The following DAGLA variants were observed in gnomAD, a reference collection of about 807,000 sequenced individuals.
The protein encoded by DAGLA is diacylglycerol lipase alpha, also known as diacylglycerol lipase-alpha.
In DAGLA, 22 loss-of-function variants were observed where a neutral mutation model predicts 102.6. The ratio of observed to expected loss-of-function variants is 0.21; its 90% confidence interval spans 0.15 to 0.31. The LOEUF (loss-of-function observed/expected upper bound fraction) is 0.31. DAGLA is among the 10% of genes least tolerant of loss of function. The pLI, the probability that DAGLA is intolerant of heterozygous loss-of-function variation, is 1.00. For synonymous variants in DAGLA, 578 were observed against 628.9 expected, an observed-to-expected ratio of 0.92 and a Z score of 1.21; for missense variants, 927 against 1,446.6, an observed-to-expected ratio of 0.64 and a Z score of 5.83.
intron 4 of DAGLA, 34 bp from the exon 5 acceptor site, chr11:61,723,400 G>C (rs372816992): frequency 6.2e-7 from 1 of 1,600,624 alleles, no homozygotes; most frequent in African/African-American, 1.3e-5. Context: ...TGTCCCCAGC[G>C]CCCCTACCTA....
At chr11:61,692,121 T>C (rs1302841685) in intron 1 of DAGLA, among the ~76,000 whole-genome samples, 7 of 152,166 alleles carry the variant, frequency 4.6e-5, no homozygotes, top group Non-Finnish European at 1.0e-4. Context: ...AGTCAGTGCA[T>C]TAGAGCCTGC....
Position 61,735,793 on chromosome 11 carries a change from C to T in DAGLA, c.1267C>T (p.His423Tyr), listed in dbSNP as rs2065417824. 1 of 1,612,094 alleles carries T rather than the reference C, an allele frequency of 6.2e-7. No individual in the cohort carries two copies. Among genetic ancestry groups the T allele is most frequent in the African/African-American group, 1.3e-5 (1 of 74,856 alleles). Residue 423 changes from histidine (H) to tyrosine (Y), a missense_variant, in exon 12 of 20, where the codon CAC (histidine) becomes TAC (tyrosine). Around this residue, in one of 4 missense-constraint regions of DAGLA, gnomAD observed 218 missense variants for 459.6 expected, o/e 0.47. Transcript: ENST00000257215. Reference protein sequence around the residue: ...DAERLPVEGHHGTWLGHKGMV... With the variant: ...DAERLPVEGHYGTWLGHKGMV... ...TGAGCGCCTCCCCGTGGAGGGGCACCACGGCACCTGGCTGGGCCACAAGGT... is the reference window on the plus strand; with the variant it reads ...TGAGCGCCTCCCCGTGGAGGGGCACTACGGCACCTGGCTGGGCCACAAGGT...
At position 61,737,462 on chromosome 11, in the gene DAGLA, G is replaced by T. The variant is rs73485466; in HGVS notation, c.1514+138G>T. The T allele has an allele frequency of 1.2e-3, 1,636 of 1,312,098 alleles. 17 individuals carry two copies. In the African/African-American group the frequency reaches 0.022, roughly 18 times the overall value. The allele number at this position is 1,312,098 out of a possible 1,614,324, so 81.3% of individuals were successfully genotyped here. A position where few individuals can be genotyped will look rare whatever the true frequency, so the allele number is the denominator to read the frequency against. ...CTGGGAGTGGCCTGGAGGGTGGAGG[G>T]TGGGGGCTCTGAAATGCCATGCGCC... On this transcript the variant is annotated intron_variant, in intron 14 of 19. Transcript: ENST00000257215.
At chr11:61,698,877 A>C (rs988785729) in intron 1 of DAGLA, among the ~76,000 whole-genome samples, 2 of 152,024 alleles carry the variant, frequency 1.3e-5, no homozygotes, top group Non-Finnish European at 2.9e-5. Context: ...TTCACAGAGG[A>C]GGTTGTGTTT....
At chr11:61,742,550 T>A (rs1310980456) in intron 19 of DAGLA, among the ~76,000 whole-genome samples, 1 of 152,038 alleles carries the variant, frequency 6.6e-6, no homozygotes, top group South Asian at 2.1e-4. Flanking sequence ...TGTCACTCAT[T>A]CCCTGCAGGC....
chr11:61,692,576 C>A (rs2065032795), intron 1 of DAGLA, among the ~76,000 whole-genome samples: 1 of 152,074 alleles, frequency 6.6e-6, no homozygotes, highest in African/African-American at 2.4e-5. Flanking sequence ...ATCCCCGCTC[C>A]CCACTCCCAC....
intron 13 of DAGLA, 49 bp from the exon 14 acceptor site, chr11:61,737,133 C>T (rs374929679): frequency 1.2e-5 from 20 of 1,610,688 alleles, no homozygotes; most frequent in African/African-American, 1.2e-4. Flanking sequence ...CTAAGACAGT[C>T]GCTTGGCGGG....
chr11:61,693,667 T>C (rs778751354), intron 1 of DAGLA, among the ~76,000 whole-genome samples: 6 of 152,220 alleles, frequency 3.9e-5, no homozygotes, highest in Non-Finnish European at 7.3e-5. Context: ...CTTTTTCTTA[T>C]GCATAAGTCA....
intron 1 of DAGLA, among the ~76,000 whole-genome samples, chr11:61,718,591 A>G (rs2065256007): frequency 1.4e-5 from 2 of 147,958 alleles, no homozygotes; most frequent in African/African-American, 2.5e-5. Context: ...CAGTCCACAG[A>G]CCACCCCCCA....
At chr11:61,719,679 G>A (rs1268970902) in intron 1 of DAGLA, among the ~76,000 whole-genome samples, 1 of 152,224 alleles carries the variant, frequency 6.6e-6, no homozygotes, top group Non-Finnish European at 1.5e-5. Flanking sequence ...GTGCTGTTGG[G>A]TGGGCTTGTT....
chr11:61,704,117 A>G (rs981976830), intron 1 of DAGLA, among the ~76,000 whole-genome samples: 10 of 38,226 alleles, frequency 2.6e-4, no homozygotes, highest in Admixed American at 1.5e-3. Flanking sequence ...AGGTCAGAGA[A>G]TTTCTTTTTT....
intron 2 of DAGLA, 47 bp from the exon 3 acceptor site, chr11:61,720,632 G>A: frequency 1.3e-6 from 2 of 1,584,102 alleles, no homozygotes; most frequent in Non-Finnish European, 1.7e-6. Flanking sequence ...AGCATCTCGA[G>A]GTACAGGGGC....
rs2065497063 is a variant in DAGLA at position 61,743,253 on chromosome 11, T to C, written c.2172-279T>C. Reference sequence around the variant, plus strand: ...GGTGGCGGGCACCTGTAGTCCCAGCTACTCGGGAGGCTGAGGCAGGAGAAT... The same window carrying C: ...GGTGGCGGGCACCTGTAGTCCCAGCCACTCGGGAGGCTGAGGCAGGAGAAT... On this transcript the variant is annotated intron_variant, in intron 19 of 19. Transcript: ENST00000257215. 3.3e-5 allele frequency among the ~76,000 whole-genome samples: 5 copies of C among 150,924 alleles called. No individual in the cohort carries two copies. The South Asian group carries it at 1.0e-3, about 31-fold the overall frequency.
Position 61,734,761 on chromosome 11 carries a change from A to G in DAGLA, c.975-88A>G. 2.2e-6 allele frequency: 3 copies of G among 1,368,310 alleles called. No individual in the cohort carries two copies. The highest frequency in any genetic ancestry group is 3.0e-6 in the Non-Finnish European group (3 of 984,938). 84.8% of individuals were successfully genotyped at this position (1,368,310 alleles called of 1,614,324 possible). A position where few individuals can be genotyped will look rare whatever the true frequency, so the allele number is the denominator to read the frequency against. On this transcript the variant is annotated intron_variant, in intron 9 of 19. Transcript: ENST00000257215. The surrounding 1 kb of genome is among the most constrained non-coding windows in gnomAD (Gnocchi z 4.2). ...TAGAGGCAGTGGGGCTGAATGCCCA[A>G]CTGGAACTGGTTCCAGGGACAGTGG...
intron 1 of DAGLA, among the ~76,000 whole-genome samples, chr11:61,695,335 G>A (rs2065056716): frequency 6.6e-6 from 1 of 152,194 alleles, no homozygotes; most frequent in Non-Finnish European, 1.5e-5. Context: ...CAGTGTCGGA[G>A]CTCTGTGCTC....
intron 6 of DAGLA, among the ~76,000 whole-genome samples, chr11:61,727,109 A>G (rs373315972): frequency 6.6e-6 from 1 of 152,250 alleles, no homozygotes; most frequent in African/African-American, 2.4e-5. Flanking sequence ...GCAGAGCCCC[A>G]CGGCAAAGGT....
chr11:61,743,469 G>A (rs2065500143), intron 19 of DAGLA, 63 bp from the exon 20 acceptor site: 1 of 1,348,498 alleles, frequency 7.4e-7, no homozygotes, highest in Non-Finnish European at 9.9e-7. Flanking sequence ...TAGCCAGGGA[G>A]CTGGGGTTCA....
chr11:61,704,672 C>A (rs899284013), intron 1 of DAGLA, among the ~76,000 whole-genome samples: 41 of 152,250 alleles, frequency 2.7e-4, no homozygotes, highest in African/African-American at 9.6e-4. Flanking sequence ...CAGAGAAAAG[C>A]TTTGCTTCTG....
At chr11:61,709,064 G>A (rs1374248275) in intron 1 of DAGLA, among the ~76,000 whole-genome samples, 1 of 152,330 alleles carries the variant, frequency 6.6e-6, no homozygotes, top group East Asian at 1.9e-4. Flanking sequence ...GCTCAGGCGA[G>A]GGGAGGAAAT....
Sources: allele counts gnomAD v4.1 joint callset (sites outside exome capture counted in the v4.1 genomes callset), GRCh38; gene constraint gnomAD v4.1.1; regional missense constraint gnomAD v4.1.1; non-coding constraint Gnocchi (gnomAD v3.1); transcripts MANE v1.5; gene names NCBI Gene and HGNC (gene_info 2026-07-23, HGNC 2026-07-21).